The following PTPN14 variants were observed in gnomAD, a reference collection of about 807,000 sequenced individuals.
PTPN14 encodes protein tyrosine phosphatase non-receptor type 14.
A neutral mutation model predicts 126.8 loss-of-function variants in PTPN14; 53 were observed. The observed-to-expected ratio is 0.42, with a 90% CI of 0.34 to 0.53. The LOEUF (loss-of-function observed/expected upper bound fraction) is 0.53, where lower values mean the gene tolerates loss of function less well. Ranked by LOEUF, PTPN14 falls within the 20% of genes least tolerant of loss-of-function variation. The pLI is 0.08. For synonymous variants in PTPN14, 630 were observed against 599.3 expected, an observed-to-expected ratio of 1.05 and a Z score of -0.75; for missense variants, 1,257 against 1,552.9, an observed-to-expected ratio of 0.81 and a Z score of 3.20.
chr1:214,539,628 A>G (rs778462385), intron 1 of PTPN14, among the ~76,000 whole-genome samples: 1 of 152,166 alleles, frequency 6.6e-6, no homozygotes, highest in Non-Finnish European at 1.5e-5. Flanking sequence ...ATAATTTACT[A>G]TTATTTGAGC....
Position 214,460,524 on chromosome 1 carries a change from A to AC in PTPN14, c.174+4105_174+4106insG, listed in dbSNP as rs140053325. On this transcript the variant is annotated intron_variant, in intron 2 of 18. Transcript: ENST00000366956. ...AACTCTGCCTTTCCCTGAAAATTCC[A>AC]ACACACACACACACACACACACACA... Among the ~76,000 whole-genome samples, 636 of 132,664 alleles carry AC rather than the reference A, an allele frequency of 4.8e-3. 5 individuals are homozygous for AC. Among genetic ancestry groups the AC allele is most frequent in the African/African-American group, 0.018 (614 of 33,268 alleles). 87.0% of individuals were successfully genotyped at this position (132,664 alleles called of 152,430 possible).
At chr1:214,463,699 G>A (rs1660563662) in intron 2 of PTPN14, among the ~76,000 whole-genome samples, 1 of 152,112 alleles carries the variant, frequency 6.6e-6, no homozygotes. Context: ...TGTCATCGAG[G>A]TCCTGGGCAA....
intron 12 of PTPN14, 48 bp downstream of exon 12, chr1:214,386,796 G>T: frequency 6.7e-7 from 1 of 1,486,580 alleles, no homozygotes; most frequent in East Asian, 2.3e-5. Context: ...CTGCTTACTG[G>T]TATTCAACTT....
intron 1 of PTPN14, among the ~76,000 whole-genome samples, chr1:214,488,560 A>G (rs542888968): frequency 1.3e-5 from 2 of 152,332 alleles, no homozygotes; most frequent in African/African-American, 2.4e-5. Flanking sequence ...TTTCTTAACA[A>G]TATCTGCCCT....
chr1:214,404,760 C>A (rs1659123152), intron 5 of PTPN14, among the ~76,000 whole-genome samples: 1 of 152,168 alleles, frequency 6.6e-6, no homozygotes, highest in African/African-American at 2.4e-5. Context: ...CTGTGGAGCG[C>A]CTTGTGTACT....
At chr1:214,470,687 G>A (rs112147563) in intron 1 of PTPN14, among the ~76,000 whole-genome samples, 1 of 147,960 alleles carries the variant, frequency 6.8e-6, no homozygotes, top group Admixed American at 6.7e-5. Flanking sequence ...GGGAGGCTGA[G>A]GCAGGAGAGT....
At chr1:214,533,287 G>T in intron 1 of PTPN14, 1 of 593,486 alleles carries the variant, frequency 1.7e-6, no homozygotes, top group Non-Finnish European at 3.1e-6. Flanking sequence ...GAACATCAAG[G>T]CCAAGCTGGA....
Position 214,364,348 on chromosome 1 carries a change from G to A in PTPN14, c.3435+164C>T, listed in dbSNP as rs555424744. 4.6e-5 allele frequency among the ~76,000 whole-genome samples: 7 copies of A among 152,072 alleles called. No individual in the cohort carries two copies. The highest frequency in any genetic ancestry group is 8.8e-5 in the Non-Finnish European group (6 of 68,034). On this transcript the variant is annotated intron_variant, in intron 18 of 18. Coordinates refer to ENST00000366956, the MANE Select transcript of PTPN14 (RefSeq NM_005401.5). This position sits in a 1 kb window ranked among gnomAD's most constrained non-coding sequence, Gnocchi z 4.1. ...AGTGGGAGGGCAAAAAGATAAGGAG[G>A]GCTGTAAATGTCAGAGTCAAACTAG... is the stretch of plus-strand genomic sequence containing the variant.
intron 1 of PTPN14, chr1:214,531,883 ATT>A (rs1370714914): frequency 6.6e-6 from 1 of 152,278 alleles, no homozygotes; most frequent in Non-Finnish European, 1.5e-5. Context: ...GCAATAGGCA[ATT>A]CTGAAAACCA....
At chr1:214,362,063 G>T (rs916460511) in intron 18 of PTPN14, among the ~76,000 whole-genome samples, 1 of 84,070 alleles carries the variant, frequency 1.2e-5, no homozygotes, top group Admixed American at 1.0e-4. Flanking sequence ...GGGGAGTTTG[G>T]ACAGGAGAAA....
intron 3 of PTPN14, among the ~76,000 whole-genome samples, chr1:214,440,655 C>A (rs1222747447): frequency 6.6e-6 from 1 of 152,194 alleles, no homozygotes; most frequent in African/African-American, 2.4e-5. Context: ...CAGCTGGACA[C>A]TGAATGACAT....
chr1:214,478,023 T>C (rs1403169551), intron 1 of PTPN14, among the ~76,000 whole-genome samples: 2 of 152,140 alleles, frequency 1.3e-5, no homozygotes, highest in Admixed American at 1.3e-4. Flanking sequence ...AATTAGATTA[T>C]AAAAGGGCAG....
At chr1:214,420,361 T>C (rs556877675) in intron 3 of PTPN14, among the ~76,000 whole-genome samples, 3 of 152,358 alleles carry the variant, frequency 2.0e-5, no homozygotes, top group African/African-American at 7.2e-5. Context: ...TCAACATTCA[T>C]TGATCAATAA....
intron 1 of PTPN14, among the ~76,000 whole-genome samples, chr1:214,484,836 C>CA (rs1261190767): frequency 6.6e-6 from 1 of 152,110 alleles, no homozygotes; most frequent in African/African-American, 2.4e-5. Context: ...TCAGGGGAAG[C>CA]AAAAGTGCGA....
At chr1:214,439,606 G>A (rs538067313) in intron 3 of PTPN14, among the ~76,000 whole-genome samples, 1 of 152,196 alleles carries the variant, frequency 6.6e-6, no homozygotes, top group Non-Finnish European at 1.5e-5. Context: ...CTGACCTTGA[G>A]AGTTAGGAGG....
intron 1 of PTPN14, among the ~76,000 whole-genome samples, chr1:214,512,656 ATG>A (rs1225246333): frequency 6.6e-6 from 1 of 152,164 alleles, no homozygotes; most frequent in Non-Finnish European, 1.5e-5. Flanking sequence ...AAAAAATTTT[ATG>A]TGTTTTTCAC....
At chr1:214,531,954 C>G (rs532902577) in intron 1 of PTPN14, 15 of 152,880 alleles carry the variant, frequency 9.8e-5, no homozygotes, top group African/African-American at 3.6e-4. Context: ...CCTCCTAAGA[C>G]TTTAAAATAT....
In PTPN14 at chr1:214,364,762, G is replaced by T; in HGVS notation, c.3272-87C>A. The T allele has an allele frequency of 5.6e-6, 4 of 714,538 alleles. No homozygotes were observed. The highest frequency in any genetic ancestry group is 4.0e-5 in the East Asian group (1 of 25,060). 44.3% of individuals were successfully genotyped at this position (714,538 alleles called of 1,614,324 possible). On this transcript the variant is annotated intron_variant, in intron 17 of 18. Coordinates refer to ENST00000366956, the MANE Select transcript of PTPN14 (RefSeq NM_005401.5). The surrounding 1 kb of genome is among the most constrained non-coding windows in gnomAD (Gnocchi z 4.1). ...GAGGGGGGAGCGGAAGAGAACTGATGGTGAGTGTGTGTGTGTGTGTGTGTG... is the reference window on the plus strand; with the variant it reads ...GAGGGGGGAGCGGAAGAGAACTGATTGTGAGTGTGTGTGTGTGTGTGTGTG...
At chr1:214,377,588 A>G (rs912704917) in intron 14 of PTPN14, among the ~76,000 whole-genome samples, 1 of 152,236 alleles carries the variant, frequency 6.6e-6, no homozygotes, top group African/African-American at 2.4e-5. Flanking sequence ...CTTCCTAAGA[A>G]GTGGCAATTG....
Sources: gnomAD v4.1 joint callset for allele counts (sites outside exome capture counted in the v4.1 genomes callset) on GRCh38, gnomAD v4.1.1 for gene constraint, Gnocchi (gnomAD v3.1) non-coding constraint, MANE v1.5 for transcripts, NCBI Gene and HGNC (gene_info 2026-07-23, HGNC 2026-07-21) for gene names.